Variants in MACROD2 observed in about 807,000 individuals in gnomAD.
MACROD2 encodes mono-ADP ribosylhydrolase 2.
A neutral mutation model predicts 70.4 loss-of-function variants in MACROD2; 36 were observed. That is an observed-to-expected ratio of 0.51 (90% CI 0.39 to 0.68). MACROD2 has a LOEUF of 0.68. MACROD2 is among the 30% of genes least tolerant of loss of function. MACROD2 has a pLI of 0.00. For missense variants in MACROD2, 496 were observed against 538.4 expected (o/e 0.92, Z 0.78); for synonymous variants, 172 against 178.8 (o/e 0.96, Z 0.30).
chr20:15,360,399 G>A (rs7273477), intron 6 of MACROD2, among the ~76,000 whole-genome samples: 23,548 of 152,028 alleles, frequency 0.15, 1,962 homozygotes, highest in Middle Eastern at 0.25. Context: ...TGTGATTGCT[G>A]TAACATATGC....
chr20:14,285,831 T>A (rs1472033393), intron 3 of MACROD2, among the ~76,000 whole-genome samples: 2 of 152,112 alleles, frequency 1.3e-5, no homozygotes, highest in African/African-American at 4.8e-5. Context: ...CCAGTGATAG[T>A]TGTTGATGTG....
chr20:15,190,999 C>G (rs1335860519), intron 5 of MACROD2, among the ~76,000 whole-genome samples: 1 of 152,164 alleles, frequency 6.6e-6, no homozygotes, highest in Non-Finnish European at 1.5e-5. Context: ...AGAGGCCATC[C>G]CTCCTTGGTC....
chr20:15,124,307 A>G (rs1186299341), intron 5 of MACROD2, among the ~76,000 whole-genome samples: 1 of 151,764 alleles, frequency 6.6e-6, no homozygotes, highest in Non-Finnish European at 1.5e-5. Flanking sequence ...ATGTTATTTA[A>G]AGATTTTCTT....
chr20:15,981,047 G>T (rs544161758), intron 13 of MACROD2, among the ~76,000 whole-genome samples: 1 of 152,120 alleles, frequency 6.6e-6, no homozygotes, highest in African/African-American at 2.4e-5. Context: ...TTCGTTTTCC[G>T]CAGGAAGCAT....
chr20:15,889,047 A>G (rs2064856685), intron 10 of MACROD2, among the ~76,000 whole-genome samples: 1 of 152,188 alleles, frequency 6.6e-6, no homozygotes, highest in African/African-American at 2.4e-5. Flanking sequence ...ACTGGCCAAG[A>G]CATGCTAGTG....
At chr20:14,343,726 C>A (rs917006521) in intron 3 of MACROD2, among the ~76,000 whole-genome samples, 4 of 152,162 alleles carry the variant, frequency 2.6e-5, no homozygotes, top group African/African-American at 9.7e-5. Context: ...AATTCCTTAT[C>A]TTTGGCAATG....
intron 5 of MACROD2, among the ~76,000 whole-genome samples, chr20:14,749,110 A>G (rs1231534484): frequency 1.3e-5 from 2 of 152,160 alleles, no homozygotes; most frequent in African/African-American, 4.8e-5. Flanking sequence ...CACAAACACC[A>G]CTAAAATACT....
At chr20:15,750,755 A>G (rs1254595223) in intron 8 of MACROD2, among the ~76,000 whole-genome samples, 1 of 152,036 alleles carries the variant, frequency 6.6e-6, no homozygotes, top group African/African-American at 2.4e-5. Flanking sequence ...AAAATGTGGT[A>G]TATCTATTAA....
intron 4 of MACROD2, among the ~76,000 whole-genome samples, chr20:14,600,332 A>ATATATATATATATATATG (rs1982401705): frequency 7.0e-6 from 1 of 143,604 alleles, no homozygotes; most frequent in African/African-American, 2.8e-5. Context: ...AGCTACATAT[A>ATATATATATATATATATG]TATATATATA....
intron 8 of MACROD2, among the ~76,000 whole-genome samples, chr20:15,535,915 C>T (rs147532100): frequency 1.6e-4 from 24 of 152,258 alleles, no homozygotes; most frequent in Admixed American, 3.3e-4. Flanking sequence ...TATGCTGTTT[C>T]ACAATATAAG....
intron 8 of MACROD2, among the ~76,000 whole-genome samples, chr20:15,541,897 T>A (rs1189164774): frequency 6.6e-6 from 1 of 152,012 alleles, no homozygotes; most frequent in Non-Finnish European, 1.5e-5. Flanking sequence ...CTACACCACA[T>A]GGGAATGTTA....
At chr20:14,794,497 T>G (rs2072488322) in intron 5 of MACROD2, among the ~76,000 whole-genome samples, 1 of 152,142 alleles carries the variant, frequency 6.6e-6, no homozygotes, top group Non-Finnish European at 1.5e-5. Flanking sequence ...AGGTTAAACA[T>G]TTATTAAATG....
intron 5 of MACROD2, among the ~76,000 whole-genome samples, chr20:14,707,625 A>G (rs2071285345): frequency 6.6e-6 from 1 of 152,164 alleles, no homozygotes. Context: ...CCAGCCGCCT[A>G]CATCCGGGAA....
chr20:14,730,979 GCACACACACA>G (rs11474396), intron 5 of MACROD2, among the ~76,000 whole-genome samples: 8 of 138,862 alleles, frequency 5.8e-5, no homozygotes, highest in Admixed American at 3.8e-4. Context: ...AACAGGTTTA[GCACACACACA>G]CACACACACA....
chr20:14,448,008 C>G (rs78571842), intron 3 of MACROD2, among the ~76,000 whole-genome samples: 2,364 of 87,860 alleles, frequency 0.027, 67 homozygotes, highest in African/African-American at 0.072. Flanking sequence ...GTGTGTGTGT[C>G]TGTGTCTGCA....
intron 5 of MACROD2, among the ~76,000 whole-genome samples, chr20:15,082,811 T>C (rs941450905): frequency 3.9e-5 from 6 of 152,140 alleles, no homozygotes; most frequent in African/African-American, 2.4e-5. Context: ...GAATTCTCTT[T>C]GATAGGGTGG....
At chr20:14,213,082 C>A (rs2081583750) in intron 3 of MACROD2, among the ~76,000 whole-genome samples, 1 of 151,712 alleles carries the variant, frequency 6.6e-6, no homozygotes, top group Admixed American at 6.6e-5. Flanking sequence ...TGTTTGTAAC[C>A]ACACATTTAG....
intron 13 of MACROD2, among the ~76,000 whole-genome samples, chr20:15,980,742 TTA>T (rs1420886381): frequency 1.3e-5 from 2 of 152,334 alleles, no homozygotes; most frequent in East Asian, 3.9e-4. Context: ...ATTAGTAAGG[TTA>T]AATTTCTTAT....
At chr20:14,258,011 G>A (rs556522753) in intron 3 of MACROD2, among the ~76,000 whole-genome samples, 7 of 152,108 alleles carry the variant, frequency 4.6e-5, no homozygotes, top group Non-Finnish European at 8.8e-5. Context: ...TTGAGTTGCT[G>A]CACTTAGAAT....
Sources: allele counts gnomAD v4.1 joint callset (sites outside exome capture counted in the v4.1 genomes callset), GRCh38; gene constraint gnomAD v4.1.1; transcripts MANE v1.5; gene names NCBI Gene and HGNC (gene_info 2026-07-23, HGNC 2026-07-21).